The following RASA2 variants were observed in gnomAD, a reference collection of about 807,000 sequenced individuals.
The protein encoded by RASA2 is RAS p21 protein activator 2, also known as ras GTPase-activating protein 2.
RASA2 carries 155 observed loss-of-function variants against 118.2 expected under a neutral mutation model. The observed-to-expected ratio is 1.31, with a 90% CI of 1.15 to 1.50. The LOEUF is 1.50. RASA2 is among the 40% of genes most tolerant of loss of function. RASA2 has a pLI of 0.00. For missense variants in RASA2, 1,016 were observed against 1,009.6 expected (o/e 1.01, Z -0.09); for synonymous variants, 353 against 349.1 (o/e 1.01, Z -0.12).
At chr3:141,574,133 A>T in intron 14 of RASA2, 66 bp downstream of exon 14, 7 of 1,098,312 alleles carry the variant, frequency 6.4e-6, no homozygotes, top group Non-Finnish European at 8.5e-6. Context: ...GATATTAATT[A>T]CATGTTTGGT....
At position 141,577,170 on chromosome 3, in the gene RASA2, G is replaced by A. The variant is rs976839811; in HGVS notation, c.1590+64G>A. The A allele has an allele frequency of 1.3e-5, 17 of 1,310,034 alleles. 1 individual carries two copies. The highest frequency in any genetic ancestry group is 5.1e-5 in the East Asian group (2 of 38,894). The allele number at this position is 1,310,034 out of a possible 1,614,324, so 81.2% of individuals were successfully genotyped here. A position where few individuals can be genotyped will look rare whatever the true frequency, so the allele number is the denominator to read the frequency against. Reference sequence around the variant, plus strand: ...TTAATTTTTATTAAAATGAAGAAAAGATAAAATAAACCAATTTCACTAGGC... The same window carrying A: ...TTAATTTTTATTAAAATGAAGAAAAAATAAAATAAACCAATTTCACTAGGC... On this transcript the variant is annotated intron_variant, in intron 15 of 23. Transcript: ENST00000286364.
intron 2 of RASA2, among the ~76,000 whole-genome samples, chr3:141,515,944 G>A (rs148774811): frequency 2.3e-4 from 34 of 145,374 alleles, no homozygotes; most frequent in East Asian, 1.6e-3. Context: ...GCAAACTATC[G>A]CAAAGACAAA....
intron 5 of RASA2, among the ~76,000 whole-genome samples, chr3:141,549,486 T>C (rs996735062): frequency 7.7e-5 from 10 of 129,596 alleles, no homozygotes; most frequent in East Asian, 2.0e-4. Flanking sequence ...TGTGTGTGCG[T>C]GTGTGTGTGT....
intron 4 of RASA2, among the ~76,000 whole-genome samples, chr3:141,533,090 C>T (rs530651315): frequency 6.6e-6 from 1 of 152,156 alleles, no homozygotes; most frequent in African/African-American, 2.4e-5. Context: ...ACTCCAGTCT[C>T]TTTTTGAGAC....
Position 141,609,481 on chromosome 3 carries a change from T to C in RASA2, c.2287T>C (p.Ser763Pro). 1 of 1,605,324 alleles carries C rather than the reference T, an allele frequency of 6.2e-7. No individual in the cohort carries two copies. ...DEDRETERIY[S>P]LFTLSLLKLQ... ...AGACAGAGAAACAGAAAGAATTTAT[T>C]CCCTTTTTACCCTCAGTTTACTTAA... The change falls in exon 22 of 24, where the codon TCC becomes CCC. Residue 763 changes from serine to proline, a missense_variant. Around this residue, in one of 2 missense-constraint regions of RASA2, gnomAD observed 120 missense variants for 173.2 expected, o/e 0.69. Coordinates refer to ENST00000286364, the MANE Select transcript of RASA2 (RefSeq NM_006506.5).
At chr3:141,518,926 T>C (rs2082070832) in intron 3 of RASA2, among the ~76,000 whole-genome samples, 2 of 152,242 alleles carry the variant, frequency 1.3e-5, no homozygotes, top group Non-Finnish European at 2.9e-5. Context: ...TTAAAACTAT[T>C]TGTTACATAA....
intron 5 of RASA2, among the ~76,000 whole-genome samples, chr3:141,552,921 A>G (rs2082595479): frequency 2.0e-5 from 3 of 152,220 alleles, no homozygotes; most frequent in Admixed American, 6.5e-5. Context: ...ACCCTTAGAC[A>G]TTAAACTAAA....
rs562101729 is a variant in RASA2 at position 141,536,456 on chromosome 3, C to T, written c.451-4077C>T. On this transcript the variant is annotated intron_variant, in intron 4 of 23. Transcript: ENST00000286364. ...GGGACACAGCCAAACCATATCAGTA[C>T]GAGAGTAGTGTAAGTTCCTCAGAAT... Among the ~76,000 whole-genome samples, 16 of 152,200 alleles carry T rather than the reference C, an allele frequency of 1.1e-4. No individual in the cohort carries two copies. In the South Asian group the frequency reaches 1.5e-3, roughly 14 times the overall value.
In RASA2 at chr3:141,558,885, G is replaced by A; in HGVS notation, c.685-1G>A. 2 of 1,591,998 alleles carry A rather than the reference G, an allele frequency of 1.3e-6. No homozygotes were observed. The highest frequency in any genetic ancestry group is 1.7e-6 in the Non-Finnish European group (2 of 1,161,846). On this transcript the variant is annotated splice_acceptor_variant, in intron 7 of 23. Coordinates refer to ENST00000286364, the MANE Select transcript of RASA2 (RefSeq NM_006506.5). LOFTEE classifies it high-confidence loss of function. ...TTTTTACTAAAATATTTTGTTTACA[G>A]GTAACCAGATCCAGTAGTTACACCA...
At chr3:141,489,255 A>G (rs368441753) in intron 1 of RASA2, among the ~76,000 whole-genome samples, 36 of 152,310 alleles carry the variant, frequency 2.4e-4, no homozygotes, top group African/African-American at 8.2e-4. Flanking sequence ...TTGTATACTT[A>G]TATACAGAAG....
rs1337712603 is a variant in RASA2 at position 141,607,609 on chromosome 3, A to G, written c.1934-69A>G. 5.5e-6 allele frequency: 8 copies of G among 1,453,500 alleles called. No homozygotes were observed. The Admixed American group carries it at 7.8e-5, about 14-fold the overall frequency. The allele number at this position is 1,453,500 out of a possible 1,614,324, so 90.0% of individuals were successfully genotyped here. A position where few individuals can be genotyped will look rare whatever the true frequency, so the allele number is the denominator to read the frequency against. On this transcript the variant is annotated intron_variant, in intron 19 of 23. Transcript: ENST00000286364. ...AGAGGATGAGCTTAAACCCTACAGA[A>G]TTAACCTCTCATCTTTATAATTCTG...
chr3:141,573,339 A>G, intron 13 of RASA2, 118 bp downstream of exon 13: 1 of 1,075,052 alleles, frequency 9.3e-7, no homozygotes, highest in Non-Finnish European at 1.2e-6. Context: ...TATTCTTCAC[A>G]TAAGCCTTTA....
chr3:141,600,450 C>A, intron 19 of RASA2: 1 of 407,150 alleles, frequency 2.5e-6, no homozygotes. Flanking sequence ...TAATAAGGAG[C>A]AGGTTGCGCT....
intron 9 of RASA2, among the ~76,000 whole-genome samples, chr3:141,570,564 T>A (rs538547331): frequency 7.4e-4 from 112 of 152,334 alleles, no homozygotes; most frequent in African/African-American, 2.6e-3. Flanking sequence ...ATTTAGTTGG[T>A]AAAAATTTAT....
At chr3:141,576,702 A>T (rs546907963) in intron 14 of RASA2, among the ~76,000 whole-genome samples, 1 of 152,196 alleles carries the variant, frequency 6.6e-6, no homozygotes, top group Non-Finnish European at 1.5e-5. Flanking sequence ...TTTCTGTTGT[A>T]ATTTTAGCAG....
chr3:141,580,942 T>C (rs1207274254), intron 16 of RASA2, among the ~76,000 whole-genome samples, 158 bp from the exon 17 acceptor site: 1 of 151,932 alleles, frequency 6.6e-6, no homozygotes, highest in Non-Finnish European at 1.5e-5. Context: ...CATAATCACA[T>C]GACAGCTTTG....
At chr3:141,580,555 T>TAACACAC (rs1553797869) in intron 16 of RASA2, 104 bp downstream of exon 16, 2 of 580,736 alleles carry the variant, frequency 3.4e-6, no homozygotes, top group Non-Finnish European at 6.0e-6. Flanking sequence ...AAACAAAACA[T>TAACACAC]ACACACACAC....
intron 17 of RASA2, among the ~76,000 whole-genome samples, chr3:141,585,681 T>TCCC (rs1378494966): frequency 6.6e-6 from 1 of 152,024 alleles, no homozygotes; most frequent in Non-Finnish European, 1.5e-5. Context: ...ATGCCTGTAA[T>TCCC]CCCAGCTACT....
chr3:141,580,870 A>G (rs1209241548), intron 16 of RASA2, among the ~76,000 whole-genome samples: 4 of 151,800 alleles, frequency 2.6e-5, no homozygotes, highest in Non-Finnish European at 4.4e-5. Flanking sequence ...GAAAACTGCT[A>G]AACAAGACAA....
Sources: gnomAD v4.1 joint callset for allele counts (sites outside exome capture counted in the v4.1 genomes callset) on GRCh38, gnomAD v4.1.1 for gene constraint, gnomAD v4.1.1 regional missense constraint, MANE v1.5 for transcripts, NCBI Gene and HGNC (gene_info 2026-07-23, HGNC 2026-07-21) for gene names.